GSTCD: variants seen among roughly 807,000 people sequenced by gnomAD.
The protein encoded by GSTCD is glutathione S-transferase C-terminal domain containing.
GSTCD carries 44 observed loss-of-function variants against 68.3 expected under a neutral mutation model. The ratio of observed to expected loss-of-function variants is 0.64; its 90% CI spans 0.51 to 0.83. The LOEUF (loss-of-function observed/expected upper bound fraction) is 0.83. Ranked by LOEUF, GSTCD falls within the 40% of genes least tolerant of loss-of-function variation. The probability of loss-of-function intolerance (pLI) is 0.00; values close to 1 mark genes in which losing one functional copy is unlikely to be tolerated. For synonymous variants in GSTCD, 273 were observed against 255.2 expected (o/e 1.07, Z -0.67); for missense variants, 739 against 735.9 (o/e 1.00, Z -0.05).
At chr4:105,733,236 C>T (rs1302718297) in intron 5 of GSTCD, among the ~76,000 whole-genome samples, 1 of 152,108 alleles carries the variant, frequency 6.6e-6, no homozygotes, top group African/African-American at 2.4e-5. Flanking sequence ...CAATTCCTGG[C>T]TATCCTTGTG....
At chr4:105,789,061 T>A (rs1735568521) in intron 5 of GSTCD, among the ~76,000 whole-genome samples, 1 of 152,144 alleles carries the variant, frequency 6.6e-6, no homozygotes, top group Admixed American at 6.5e-5. Context: ...ACCATAGATT[T>A]TTGAACTGTG....
At chr4:105,836,601 G>A (rs1176885005) in intron 9 of GSTCD, among the ~76,000 whole-genome samples, 10 of 152,116 alleles carry the variant, frequency 6.6e-5, no homozygotes, top group African/African-American at 1.9e-4. Context: ...TCTCATGCTC[G>A]TCAGTGCCCA....
chr4:105,711,293 T>C (rs1732528518), intron 1 of GSTCD, among the ~76,000 whole-genome samples: 1 of 152,268 alleles, frequency 6.6e-6, no homozygotes, highest in African/African-American at 2.4e-5. Context: ...TTATAAACTG[T>C]GTTGAACTTC....
chr4:105,829,030 C>A (rs1189535886), intron 8 of GSTCD, among the ~76,000 whole-genome samples: 3 of 151,940 alleles, frequency 2.0e-5, no homozygotes, highest in Non-Finnish European at 4.4e-5. Context: ...TGAGAATCTG[C>A]ATACTGAAGG....
At chr4:105,745,701 T>G (rs1733776504) in intron 5 of GSTCD, among the ~76,000 whole-genome samples, 1 of 152,228 alleles carries the variant, frequency 6.6e-6, no homozygotes, top group African/African-American at 2.4e-5. Context: ...TGTTCTCCAG[T>G]AGTTCTTAGG....
intron 5 of GSTCD, among the ~76,000 whole-genome samples, chr4:105,775,853 G>A (rs959851963): frequency 3.3e-5 from 5 of 152,226 alleles, no homozygotes; most frequent in Non-Finnish European, 7.3e-5. Context: ...AAGGCAGTCT[G>A]TCCCTCAGCA....
At chr4:105,829,443 G>T (rs1723806422) in intron 8 of GSTCD, among the ~76,000 whole-genome samples, 1 of 152,166 alleles carries the variant, frequency 6.6e-6, no homozygotes, top group African/African-American at 2.4e-5. Context: ...AATTTATAAA[G>T]AAAAGAGGTT....
At chr4:105,842,212 GA>G in intron 11 of GSTCD, 78 bp downstream of exon 11, 1 of 1,126,136 alleles carries the variant, frequency 8.9e-7, no homozygotes, top group Non-Finnish European at 1.3e-6. Context: ...GTCTATATGG[GA>G]AAAATTTAGC....
At chr4:105,730,796 G>T (rs150189636) in intron 5 of GSTCD, among the ~76,000 whole-genome samples, 8,177 of 152,028 alleles carry the variant, frequency 0.054, 251 homozygotes, top group Middle Eastern at 0.14. Context: ...CTTTTGGTGT[G>T]TTAGACATGA....
intron 5 of GSTCD, among the ~76,000 whole-genome samples, chr4:105,749,646 TTATATTAAAG>T (rs2149225998): frequency 6.6e-6 from 1 of 151,382 alleles, no homozygotes; most frequent in Non-Finnish European, 1.5e-5. Context: ...AATTGCACAC[TTATATTAAAG>T]TTAACCCAAA....
At chr4:105,731,904 G>C (rs191694698) in intron 5 of GSTCD, among the ~76,000 whole-genome samples, 1 of 152,120 alleles carries the variant, frequency 6.6e-6, no homozygotes, top group African/African-American at 2.4e-5. Flanking sequence ...TAGCATGAAG[G>C]GCTGTTGAAT....
chr4:105,770,376 T>C (rs1734797418), intron 5 of GSTCD, among the ~76,000 whole-genome samples: 1 of 152,110 alleles, frequency 6.6e-6, no homozygotes, highest in South Asian at 2.1e-4. Context: ...TTTTTCCTTT[T>C]TTTTTTATTA....
chr4:105,833,555 A>G (rs1723986734), intron 8 of GSTCD, among the ~76,000 whole-genome samples: 1 of 152,254 alleles, frequency 6.6e-6, no homozygotes, highest in African/African-American at 2.4e-5. Context: ...GGAAGATTAT[A>G]ATTCATTACA....
chr4:105,746,146 G>C (rs867901949), intron 5 of GSTCD: 6 of 152,002 alleles, frequency 3.9e-5, no homozygotes, highest in South Asian at 2.1e-4. Context: ...ACTGTTGACT[G>C]GAAGTCTCAC....
At chr4:105,799,414 G>C (rs1372656047) in intron 5 of GSTCD, among the ~76,000 whole-genome samples, 1 of 152,066 alleles carries the variant, frequency 6.6e-6, no homozygotes, top group East Asian at 1.9e-4. Flanking sequence ...AACCTTAATA[G>C]TTCTAGCCTT....
At chr4:105,799,493 G>A (rs1041952202) in intron 5 of GSTCD, among the ~76,000 whole-genome samples, 1 of 152,064 alleles carries the variant, frequency 6.6e-6, no homozygotes, top group Non-Finnish European at 1.5e-5. Flanking sequence ...CTATTAATTG[G>A]CCTAATTCCA....
chr4:105,814,338 C>T (rs571047393), intron 5 of GSTCD, among the ~76,000 whole-genome samples: 6 of 152,266 alleles, frequency 3.9e-5, no homozygotes, highest in South Asian at 2.1e-4. Flanking sequence ...GCTGGCCAGG[C>T]GTGGTGGCTC....
chr4:105,800,724 A>T (rs936934498), intron 5 of GSTCD, among the ~76,000 whole-genome samples: 6 of 152,174 alleles, frequency 3.9e-5, no homozygotes, highest in Non-Finnish European at 7.3e-5. Context: ...AATTCTCATT[A>T]TTCGTAGTAG....
At chr4:105,709,774 T>C (rs974369627) in intron 1 of GSTCD, among the ~76,000 whole-genome samples, 7 of 152,104 alleles carry the variant, frequency 4.6e-5, no homozygotes, top group Admixed American at 4.6e-4. Flanking sequence ...ATAAAGAAGG[T>C]GGTGTATTTC....
Sources: allele counts gnomAD v4.1 joint callset (sites outside exome capture counted in the v4.1 genomes callset), GRCh38; gene constraint gnomAD v4.1.1; transcripts MANE v1.5; gene names NCBI Gene and HGNC (gene_info 2026-07-23, HGNC 2026-07-21).